Variants in MACO1 observed in about 807,000 individuals in gnomAD.
MACO1 encodes macoilin 1.
In MACO1, 14 loss-of-function variants were observed where a neutral mutation model predicts 78.7. The observed-to-expected ratio is 0.18, with a 90% CI of 0.12 to 0.28. The LOEUF is 0.28. Ranked by LOEUF, MACO1 falls within the 10% of genes least tolerant of loss-of-function variation. MACO1 has a pLI of 1.00. For synonymous variants in MACO1, 288 were observed against 291.6 expected (o/e 0.99, Z 0.12); for missense variants, 501 against 799.0 (o/e 0.63, Z 4.50).
At chr1:25,495,739 G>A (rs904852167) in intron 10 of MACO1, among the ~76,000 whole-genome samples, 31 of 152,230 alleles carry the variant, frequency 2.0e-4, no homozygotes, top group African/African-American at 5.3e-4. Flanking sequence ...CAAGGTGGGC[G>A]GATCACAAGG....
intron 3 of MACO1, among the ~76,000 whole-genome samples, chr1:25,451,286 A>G (rs1230809326): frequency 6.6e-6 from 1 of 152,212 alleles, no homozygotes; most frequent in Non-Finnish European, 1.5e-5. Context: ...GAAATTACAT[A>G]TGATTACAAA....
chr1:25,487,628 A>G (rs1003309975), intron 8 of MACO1, among the ~76,000 whole-genome samples: 1 of 152,236 alleles, frequency 6.6e-6, no homozygotes, highest in African/African-American at 2.4e-5. Flanking sequence ...AGCCCTGAGA[A>G]GCAGCTCAAC....
chr1:25,437,616 C>T (rs146777352), intron 1 of MACO1, among the ~76,000 whole-genome samples: 19 of 152,250 alleles, frequency 1.2e-4, no homozygotes, highest in South Asian at 4.2e-4. Flanking sequence ...AGGCTTGAGT[C>T]GTCTTGCTCA....
At chr1:25,463,309 T>A (rs1043100099) in intron 6 of MACO1, among the ~76,000 whole-genome samples, 2 of 152,170 alleles carry the variant, frequency 1.3e-5, no homozygotes, top group Non-Finnish European at 2.9e-5. Context: ...GCTGGGTAGA[T>A]TGCTAAGGTA....
intron 6 of MACO1, among the ~76,000 whole-genome samples, chr1:25,480,947 T>A (rs1283954688): frequency 0.022 from 732 of 32,836 alleles, 70 homozygotes; most frequent in African/African-American, 0.052. Context: ...TATATATATA[T>A]ATATATATAT....
intron 1 of MACO1, among the ~76,000 whole-genome samples, chr1:25,444,023 G>C (rs887449732): frequency 6.6e-6 from 1 of 151,636 alleles, no homozygotes; most frequent in African/African-American, 2.4e-5. Flanking sequence ...AGGCCAAGGC[G>C]GGCAGATCAC....
chr1:25,465,773 C>T (rs569055795), intron 6 of MACO1, among the ~76,000 whole-genome samples: 10 of 152,318 alleles, frequency 6.6e-5, no homozygotes, highest in South Asian at 4.1e-4. Context: ...TCTACCCCCT[C>T]GTCTTTCCGA....
intron 1 of MACO1, among the ~76,000 whole-genome samples, chr1:25,437,446 C>T (rs901760341): frequency 3.3e-5 from 5 of 151,928 alleles, no homozygotes; most frequent in Non-Finnish European, 5.9e-5. Context: ...CATGAGCCAC[C>T]GCACCCACCC....
intron 6 of MACO1, among the ~76,000 whole-genome samples, chr1:25,481,107 T>A (rs1177207609): frequency 6.6e-6 from 1 of 151,750 alleles, no homozygotes. Flanking sequence ...AATATTGTTA[T>A]TTTTAGTTTG....
intron 6 of MACO1, among the ~76,000 whole-genome samples, chr1:25,478,611 G>A (rs77310516): frequency 0.048 from 7,321 of 152,262 alleles, 557 homozygotes; most frequent in African/African-American, 0.16. Context: ...AACTCTTGCT[G>A]TGAGTTAGAT....
intron 8 of MACO1, among the ~76,000 whole-genome samples, chr1:25,486,588 C>T (rs774023005): frequency 2.0e-4 from 30 of 152,170 alleles, no homozygotes; most frequent in Admixed American, 3.9e-4. Flanking sequence ...TTTGTATCTA[C>T]GTGGTATAAT....
At chr1:25,484,032 G>T in intron 6 of MACO1, 84 bp from the exon 7 acceptor site, 2 of 1,379,726 alleles carry the variant, frequency 1.4e-6, no homozygotes, top group Non-Finnish European at 1.9e-6. Flanking sequence ...CATTCACCCA[G>T]CAGTCCAGGA....
chr1:25,440,567 G>A (rs1321501084), intron 1 of MACO1, among the ~76,000 whole-genome samples: 3 of 151,762 alleles, frequency 2.0e-5, no homozygotes, highest in Non-Finnish European at 4.4e-5. Flanking sequence ...TCAGGAGTTC[G>A]AGACCAGCCT....
At chr1:25,494,513 A>G (rs1320831159) in intron 10 of MACO1, among the ~76,000 whole-genome samples, 1 of 152,180 alleles carries the variant, frequency 6.6e-6, no homozygotes, top group Admixed American at 6.5e-5. Context: ...GGTATTCCCT[A>G]GATCTTCCTG....
chr1:25,462,677 C>T (rs1366404289), intron 6 of MACO1, among the ~76,000 whole-genome samples: 2 of 151,962 alleles, frequency 1.3e-5, no homozygotes, highest in Non-Finnish European at 2.9e-5. Context: ...TTTGAGAAAC[C>T]AATTCAGTGA....
chr1:25,491,022 A>G (rs1419182055), intron 9 of MACO1, among the ~76,000 whole-genome samples: 1 of 152,230 alleles, frequency 6.6e-6, no homozygotes, highest in East Asian at 1.9e-4. Flanking sequence ...CCCTGTCAAA[A>G]TAATTAACAT....
At chr1:25,454,580 C>T (rs2043102823) in intron 4 of MACO1, among the ~76,000 whole-genome samples, 198 bp downstream of exon 4, 1 of 150,536 alleles carries the variant, frequency 6.6e-6, no homozygotes, top group East Asian at 2.0e-4. Flanking sequence ...CTCCCGGCTT[C>T]AAGCGATTTT....
chr1:25,458,978 T>G lies in MACO1; in HGVS notation c.1154+86T>G, dbSNP rs545038097. 3.8e-5 allele frequency: 56 copies of G among 1,480,606 alleles called. No individual in the cohort carries two copies. In the African/African-American group the frequency reaches 6.5e-4, roughly 17 times the overall value. 91.7% of individuals were successfully genotyped at this position (1,480,606 alleles called of 1,614,324 possible). Reference sequence around the variant, plus strand: ...TACTCCCATATGGGCCTGTAGGGATTGTTTGTAATCAGATATTGTGACTAG... The same window carrying G: ...TACTCCCATATGGGCCTGTAGGGATGGTTTGTAATCAGATATTGTGACTAG... On this transcript the variant is annotated intron_variant, in intron 6 of 10. Transcript: ENST00000374343.
rs2043555356 is a variant in MACO1 at position 25,498,301 on chromosome 1, A to C, written c.1830A>C (p.Leu610=). Residue 610 remains leucine, a synonymous_variant, in exon 11 of 11, where the codon CTA becomes CTC. Coordinates refer to ENST00000374343, the MANE Select transcript of MACO1 (RefSeq NM_018202.6). ...ILQKDQEIKD[L]KQKIAEVMAV... ...AGAAAGATCAGGAAATCAAGGACCT[A>C]AAACAGAAGATAGCCGAAGTCATGG... is the stretch of plus-strand genomic sequence containing the variant. The C allele has an allele frequency of 6.2e-7, 1 of 1,614,078 alleles. No homozygotes were observed. The highest frequency in any genetic ancestry group is 8.5e-7 in the Non-Finnish European group (1 of 1,180,052).
Sources: allele counts gnomAD v4.1 joint callset (sites outside exome capture counted in the v4.1 genomes callset), GRCh38; gene constraint gnomAD v4.1.1; transcripts MANE v1.5; gene names NCBI Gene and HGNC (gene_info 2026-07-23, HGNC 2026-07-21).